Variants in GRM7 observed in about 807,000 individuals in gnomAD.
GRM7 encodes the protein glutamate metabotropic receptor 7.
GRM7 carries 35 observed loss-of-function variants against 84.5 expected under a neutral mutation model. That is an observed-to-expected ratio of 0.41 (90% confidence interval 0.32 to 0.55). The LOEUF is 0.55. Among genes scored for constraint, GRM7 ranks in the 20% least tolerant of loss-of-function variants. GRM7 has a pLI of 0.19. For missense variants in GRM7, 1,003 were observed against 1,194.6 expected, an observed-to-expected ratio of 0.84 and a Z score of 2.36; for synonymous variants, 487 against 455.1, an observed-to-expected ratio of 1.07 and a Z score of -0.89.
chr3:7,014,748 T>C (rs1695500526), intron 1 of GRM7, among the ~76,000 whole-genome samples: 1 of 152,222 alleles, frequency 6.6e-6, no homozygotes. Flanking sequence ...ATAGAGACTG[T>C]ATCAAGTTTA....
At chr3:7,049,769 C>G (rs1395678002) in intron 1 of GRM7, among the ~76,000 whole-genome samples, 1 of 151,692 alleles carries the variant, frequency 6.6e-6, no homozygotes, top group East Asian at 1.9e-4. Context: ...TGAGAACTAA[C>G]AGATTAAGAG....
At chr3:7,575,379 G>A (rs975387928) in intron 7 of GRM7, among the ~76,000 whole-genome samples, 6 of 151,970 alleles carry the variant, frequency 3.9e-5, no homozygotes, top group African/African-American at 1.2e-4. Context: ...AACTGAAACA[G>A]TTTTGTTGCG....
intron 1 of GRM7, chr3:6,893,188 A>G (rs1696037469): frequency 6.6e-6 from 1 of 152,170 alleles, no homozygotes; most frequent in African/African-American, 2.4e-5. Flanking sequence ...GGGTGGTAGA[A>G]CAACAATGAC....
rs942122579 is a variant in GRM7, at chr3:7,656,354, G to A, written c.2452-23695G>A. Among the ~76,000 whole-genome samples the A allele has an allele frequency of 3.3e-5, 5 of 151,974 alleles. 1 individual carries two copies. The East Asian group carries it at 9.7e-4, about 30-fold the overall frequency. ...AAATATAGCTATTAAATATTAGCCG[G>A]GCATGGTGGCGTGCACCTGTAGTCC... On this transcript the variant is annotated intron_variant, in intron 8 of 9. Coordinates refer to ENST00000357716, the MANE Select transcript of GRM7 (RefSeq NM_000844.4).
intron 1 of GRM7, among the ~76,000 whole-genome samples, chr3:6,919,338 A>G (rs2125028554): frequency 6.7e-6 from 1 of 148,262 alleles, no homozygotes; most frequent in South Asian, 2.2e-4. Context: ...AGCTGCGATT[A>G]TAAGTGCCCA....
rs558051379 is a variant in GRM7, at chr3:7,548,666, A to C, written c.1516-29756A>C. ...TAAAGATGTTTTTGGTTCTTCTTCC[A>C]ATTGTGATCCCCTAGGACTACCTCC... is the stretch of plus-strand genomic sequence containing the variant. On this transcript the variant is annotated intron_variant, in intron 7 of 9. Transcript: ENST00000357716. Among the ~76,000 whole-genome samples, 6 of 152,270 alleles carry C rather than the reference A, an allele frequency of 3.9e-5. No individual in the cohort carries two copies. In the East Asian group the frequency reaches 1.2e-3, roughly 29 times the overall value.
chr3:6,885,100 A>G (rs1266808519), intron 1 of GRM7, among the ~76,000 whole-genome samples: 1 of 152,162 alleles, frequency 6.6e-6, no homozygotes, highest in Non-Finnish European at 1.5e-5. Flanking sequence ...TTCTATACAC[A>G]CCTGATGCAC....
intron 1 of GRM7, among the ~76,000 whole-genome samples, chr3:7,041,411 T>G (rs1559401472): frequency 6.6e-6 from 1 of 152,228 alleles, no homozygotes; most frequent in Non-Finnish European, 1.5e-5. Flanking sequence ...AAAAATAATT[T>G]TGGTTCTTTG....
At chr3:7,602,562 T>C (rs932429780) in intron 8 of GRM7, among the ~76,000 whole-genome samples, 2 of 152,166 alleles carry the variant, frequency 1.3e-5, no homozygotes, top group East Asian at 3.8e-4. Flanking sequence ...TGCTCTCCCC[T>C]GTGCCCAGGC....
intron 1 of GRM7, among the ~76,000 whole-genome samples, chr3:6,963,411 C>A (rs1489793170): frequency 6.6e-6 from 1 of 152,176 alleles, no homozygotes; most frequent in Non-Finnish European, 1.5e-5. Flanking sequence ...GTATAGATTA[C>A]TGCATAAAAA....
intron 1 of GRM7, among the ~76,000 whole-genome samples, chr3:6,967,098 A>T (rs1423865531): frequency 6.6e-6 from 1 of 152,188 alleles, no homozygotes; most frequent in Non-Finnish European, 1.5e-5. Flanking sequence ...TATTTTATTG[A>T]CTTTCAACCA....
At chr3:7,282,442 C>G (rs1000028061) in intron 2 of GRM7, among the ~76,000 whole-genome samples, 3 of 152,352 alleles carry the variant, frequency 2.0e-5, no homozygotes, top group South Asian at 2.1e-4. Flanking sequence ...ATCTTCAAAT[C>G]TGTCTCTCTG....
intron 7 of GRM7, among the ~76,000 whole-genome samples, chr3:7,495,494 G>A (rs930136924): frequency 6.6e-6 from 1 of 152,076 alleles, no homozygotes; most frequent in Non-Finnish European, 1.5e-5. Context: ...TCAGACCCGT[G>A]GTGACAAAGA....
intron 2 of GRM7, among the ~76,000 whole-genome samples, chr3:7,255,335 T>C (rs1206387891): frequency 2.0e-5 from 3 of 152,230 alleles, no homozygotes; most frequent in Non-Finnish European, 2.9e-5. Flanking sequence ...ATCAACAGCT[T>C]TGTGACGCTC....
intron 7 of GRM7, among the ~76,000 whole-genome samples, chr3:7,548,170 T>C (rs976959566): frequency 1.3e-5 from 2 of 152,222 alleles, no homozygotes; most frequent in African/African-American, 4.8e-5. Flanking sequence ...ATTTGGGTCA[T>C]AGGTGAAGGT....
At chr3:7,273,938 C>A (rs1484150779) in intron 2 of GRM7, among the ~76,000 whole-genome samples, 3 of 151,668 alleles carry the variant, frequency 2.0e-5, no homozygotes, top group Admixed American at 2.0e-4. Flanking sequence ...GTTTTTTATT[C>A]CTATTTTTAT....
intron 1 of GRM7, among the ~76,000 whole-genome samples, chr3:6,926,050 G>C (rs1697286157): frequency 6.6e-6 from 1 of 152,072 alleles, no homozygotes; most frequent in African/African-American, 2.4e-5. Context: ...ATCTGAGAAA[G>C]AGGGACCCCC....
At position 7,198,001 on chromosome 3, in the gene GRM7, G is replaced by T. The variant is rs188806915; in HGVS notation, c.736+51333G>T. ...GTAATTTAAGATTTGAAGATAGATT[G>T]GTATCAGATTGTGGAGGCTGTGCAT... On this transcript the variant is annotated intron_variant, in intron 2 of 9. Coordinates refer to ENST00000357716, the MANE Select transcript of GRM7 (RefSeq NM_000844.4). 4.3e-4 allele frequency among the ~76,000 whole-genome samples: 66 copies of T among 152,164 alleles called. No individual in the cohort carries two copies. In the East Asian group the frequency reaches 9.7e-3, roughly 22 times the overall value.
chr3:6,862,053 G>C lies in GRM7; in HGVS notation c.519+146G>C, dbSNP rs1173607055. The C allele has an allele frequency of 1.5e-6, 1 of 648,336 alleles. No individual in the cohort carries two copies. Among genetic ancestry groups the C allele is most frequent in the Non-Finnish European group, 2.6e-6 (1 of 379,530 alleles). The allele number at this position is 648,336 out of a possible 1,614,324, so 40.2% of individuals were successfully genotyped here. On this transcript the variant is annotated intron_variant, in intron 1 of 9. Coordinates refer to ENST00000357716, the MANE Select transcript of GRM7 (RefSeq NM_000844.4). This position sits in a 1 kb window ranked among gnomAD's most constrained non-coding sequence, Gnocchi z 5.2. ...GATCCTGCCGAATCCCTCCCACCCC[G>C]CTCGAGGAGATACCTTCCCTGCTTG...
Sources: gnomAD v4.1 joint callset for allele counts (sites outside exome capture counted in the v4.1 genomes callset) on GRCh38, gnomAD v4.1.1 for gene constraint, Gnocchi (gnomAD v3.1) non-coding constraint, MANE v1.5 for transcripts, NCBI Gene and HGNC (gene_info 2026-07-23, HGNC 2026-07-21) for gene names.